The following NALCN variants were observed in gnomAD, a reference collection of about 807,000 sequenced individuals.
The protein encoded by NALCN is sodium leak channel NALCN.
A neutral mutation model predicts 225.3 loss-of-function variants in NALCN; 111 were observed. The observed-to-expected ratio is 0.49, with a 90% CI of 0.42 to 0.58. The LOEUF is 0.58. Ranked by LOEUF, NALCN falls within the 20% of genes least tolerant of loss-of-function variation. The probability of loss-of-function intolerance (pLI) is 0.00; values close to 1 mark genes in which losing one functional copy is unlikely to be tolerated. For missense variants in NALCN, 1,378 were observed against 2,202.4 expected (o/e 0.63, Z 7.49); for synonymous variants, 764 against 769.0 (o/e 0.99, Z 0.11).
chr13:101,330,744 A>C lies in NALCN; in HGVS notation c.799+14522T>G, dbSNP rs1435048130. On this transcript the variant is annotated intron_variant, in intron 7 of 43. Transcript: ENST00000251127. ...TGTGTCCTGGGAGGGATTCAGTGGG[A>C]GGTAATTGAATCATGGGGGCGAGTC... Among the ~76,000 whole-genome samples the C allele has an allele frequency of 5.3e-5, 8 of 152,134 alleles. No homozygotes were observed. The East Asian group carries it at 1.4e-3, about 26-fold the overall frequency.
chr13:101,133,863 T>C (rs1049320757), intron 17 of NALCN, among the ~76,000 whole-genome samples: 1 of 152,180 alleles, frequency 6.6e-6, no homozygotes, highest in Non-Finnish European at 1.5e-5. Context: ...GAATTTTAGA[T>C]GATGGGTCAA....
At chr13:101,098,496 A>T (rs1253518555) in intron 27 of NALCN, among the ~76,000 whole-genome samples, 2 of 152,092 alleles carry the variant, frequency 1.3e-5, no homozygotes, top group Admixed American at 6.6e-5. Context: ...CTCCATATCT[A>T]TATCTATATT....
intron 3 of NALCN, among the ~76,000 whole-genome samples, chr13:101,389,312 T>C (rs1203552498): frequency 6.6e-6 from 1 of 152,126 alleles, no homozygotes; most frequent in East Asian, 1.9e-4. Flanking sequence ...ATGGCAACAT[T>C]TGTAGAAATG....
At chr13:101,140,228 T>C (rs959465087) in intron 17 of NALCN, among the ~76,000 whole-genome samples, 1 of 152,158 alleles carries the variant, frequency 6.6e-6, no homozygotes, top group African/African-American at 2.4e-5. Context: ...TTATTCCAAC[T>C]GTACCTGGGG....
chr13:101,129,067 G>A (rs1015673157), intron 17 of NALCN, among the ~76,000 whole-genome samples: 4 of 152,068 alleles, frequency 2.6e-5, no homozygotes, highest in Non-Finnish European at 4.4e-5. Context: ...GTGATGTTAC[G>A]GGTCTTGATG....
At chr13:101,280,607 T>C (rs867672993) in intron 10 of NALCN, among the ~76,000 whole-genome samples, 1 of 152,176 alleles carries the variant, frequency 6.6e-6, no homozygotes. Context: ...CGACTCTGAT[T>C]TGGCACTCAG....
In NALCN at chr13:101,292,023, C is replaced by A. The variant is rs141596606; in HGVS notation, c.1014G>T (p.Ser338=). The part of the protein sequence containing the change: ...IRVQFQQMWG[S]RSSTTSTATT... ...TGGCTGTTGAGGTAGTGCTGCTTCT[C>A]GATCCCCACATTTGTTGAAACTGTA... Residue 338 remains serine (S), a synonymous_variant, in exon 9 of 44, where the codon TCG becomes TCT. Coordinates refer to ENST00000251127, the MANE Select transcript of NALCN (RefSeq NM_052867.4). The surrounding 1 kb of genome is among the most constrained non-coding windows in gnomAD (Gnocchi z 4.3). 2 of 1,614,008 alleles carry A rather than the reference C, an allele frequency of 1.2e-6. No homozygotes were observed. Among genetic ancestry groups the A allele is most frequent in the Non-Finnish European group, 1.7e-6 (2 of 1,180,000 alleles).
rs2030982025 is a variant in NALCN at position 101,054,627 on chromosome 13, G to A, written c.*668C>T. 1 of 152,090 alleles carries A rather than the reference G, an allele frequency of 6.6e-6. No individual in the cohort carries two copies. The highest frequency in any genetic ancestry group is 2.1e-4 in the South Asian group (1 of 4,824). The allele number at this position is 152,090 out of a possible 1,614,324, so 9.4% of individuals were successfully genotyped here. ...CATCCTGAGTCCATTTCTTTGCCTG[G>A]TGCTTGCACACACAATTTTCTTAGA... On this transcript the variant is annotated 3_prime_UTR_variant, in exon 44 of 44. Transcript: ENST00000251127.
chr13:101,094,531 T>C (rs2034402811), intron 28 of NALCN, among the ~76,000 whole-genome samples: 1 of 152,168 alleles, frequency 6.6e-6, no homozygotes, highest in African/African-American at 2.4e-5. Flanking sequence ...AAAATTTTTA[T>C]GCTCCTTTAA....
intron 7 of NALCN, among the ~76,000 whole-genome samples, chr13:101,310,436 C>T (rs1348035716): frequency 6.6e-6 from 1 of 152,016 alleles, no homozygotes; most frequent in Non-Finnish European, 1.5e-5. Context: ...GTTCCCGATG[C>T]CCTGCACACT....
chr13:101,360,138 TTC>T (rs770305459), intron 6 of NALCN, among the ~76,000 whole-genome samples: 28 of 143,900 alleles, frequency 1.9e-4, no homozygotes, highest in Middle Eastern at 3.6e-3. Context: ...TTTTCTTTCT[TTC>T]TCTCTTTTTT....
chr13:101,292,399 A>G lies in NALCN; in HGVS notation c.800-33T>C, dbSNP rs780029235. On this transcript the variant is annotated intron_variant, in intron 7 of 43. Coordinates refer to ENST00000251127, the MANE Select transcript of NALCN (RefSeq NM_052867.4). This position sits in a 1 kb window ranked among gnomAD's most constrained non-coding sequence, Gnocchi z 4.3. ...GACAGAGGAGGACAGACTGAGTCAC[A>G]GCTGACTTTTGAAATAAGAAAGCAT... 1.9e-6 allele frequency: 3 copies of G among 1,566,858 alleles called. No homozygotes were observed. Among genetic ancestry groups the G allele is most frequent in the Non-Finnish European group, 2.6e-6 (3 of 1,155,998 alleles).
chr13:101,199,307 A>G (rs2040017205), intron 13 of NALCN, among the ~76,000 whole-genome samples: 1 of 151,682 alleles, frequency 6.6e-6, no homozygotes, highest in Admixed American at 6.6e-5. Context: ...GAGTTGGAAA[A>G]AATAAATAAA....
chr13:101,366,072 C>T (rs1413474979), intron 6 of NALCN, among the ~76,000 whole-genome samples: 1 of 152,090 alleles, frequency 6.6e-6, no homozygotes, highest in Non-Finnish European at 1.5e-5. Context: ...GTTCCAGCTT[C>T]GGGGAGATTT....
intron 9 of NALCN, 25 bp downstream of exon 9, chr13:101,291,965 T>C (rs1208819279): frequency 6.2e-7 from 1 of 1,611,458 alleles, no homozygotes; most frequent in Non-Finnish European, 8.5e-7. Flanking sequence ...GAATGGGTTA[T>C]AACATCCTCT....
At chr13:101,341,918 C>A (rs1032155528) in intron 7 of NALCN, among the ~76,000 whole-genome samples, 2 of 152,162 alleles carry the variant, frequency 1.3e-5, no homozygotes, top group African/African-American at 4.8e-5. Flanking sequence ...AAGAGAGAAC[C>A]CTTACTGCTT....
intron 11 of NALCN, among the ~76,000 whole-genome samples, chr13:101,239,044 T>C (rs1193860932): frequency 1.3e-5 from 2 of 151,946 alleles, no homozygotes; most frequent in East Asian, 3.8e-4. Flanking sequence ...TAATATATTT[T>C]AAATTTGAAA....
intron 7 of NALCN, among the ~76,000 whole-genome samples, chr13:101,336,633 G>A (rs2045386612): frequency 6.6e-6 from 1 of 152,062 alleles, no homozygotes; most frequent in East Asian, 1.9e-4. Flanking sequence ...TTTTAAGGAG[G>A]ATATATATAG....
intron 7 of NALCN, among the ~76,000 whole-genome samples, chr13:101,315,458 T>C (rs2044520464): frequency 6.6e-6 from 1 of 152,148 alleles, no homozygotes; most frequent in South Asian, 2.1e-4. Context: ...ATTTTATTCT[T>C]TAGAGGAGAT....
Sources: allele counts gnomAD v4.1 joint callset (sites outside exome capture counted in the v4.1 genomes callset), GRCh38; gene constraint gnomAD v4.1.1; non-coding constraint Gnocchi (gnomAD v3.1); transcripts MANE v1.5; gene names NCBI Gene and HGNC (gene_info 2026-07-23, HGNC 2026-07-21).